Variants in NPAS3 observed in about 807,000 individuals in gnomAD.
The protein encoded by NPAS3 is neuronal PAS domain protein 3.
NPAS3 carries 14 observed loss-of-function variants against 73.1 expected under a neutral mutation model. The observed-to-expected ratio is 0.19, with a 90% CI of 0.13 to 0.30. The LOEUF (loss-of-function observed/expected upper bound fraction) is 0.30, where lower values mean the gene tolerates loss of function less well. NPAS3 is among the 10% of genes least tolerant of loss of function. The pLI, the probability that NPAS3 is intolerant of heterozygous loss-of-function variation, is 1.00. For missense variants in NPAS3, 1,096 were observed against 1,250.0 expected (o/e 0.88, Z 1.86); for synonymous variants, 620 against 541.5 (o/e 1.14, Z -2.01).
chr14:33,571,509 A>G (rs2056214895), intron 5 of NPAS3, among the ~76,000 whole-genome samples: 1 of 152,180 alleles, frequency 6.6e-6, no homozygotes, highest in African/African-American at 2.4e-5. Context: ...TAGCATATCT[A>G]CTGGGGTAAA....
Position 32,983,140 on chromosome 14 carries a change from C to T in NPAS3, c.50+43774C>T, listed in dbSNP as rs142508637. ...CAAAGGTATCAAGGGGTATTTTCACCGCCTTCAACTAGTAATAATAATGAA... is the reference window on the plus strand; with the variant it reads ...CAAAGGTATCAAGGGGTATTTTCACTGCCTTCAACTAGTAATAATAATGAA... On this transcript the variant is annotated intron_variant, in intron 1 of 11. Transcript: ENST00000356141. Among the ~76,000 whole-genome samples the T allele has an allele frequency of 3.9e-5, 6 of 152,096 alleles. No individual in the cohort carries two copies. In the East Asian group the frequency reaches 1.2e-3, roughly 29 times the overall value.
chr14:33,511,710 C>T (rs1335982509), intron 4 of NPAS3, among the ~76,000 whole-genome samples: 1 of 152,040 alleles, frequency 6.6e-6, no homozygotes, highest in Non-Finnish European at 1.5e-5. Context: ...AAATGAAGCT[C>T]CTGAACTTAA....
At chr14:33,494,980 T>C (rs1391836551) in intron 4 of NPAS3, among the ~76,000 whole-genome samples, 1 of 152,140 alleles carries the variant, frequency 6.6e-6, no homozygotes, top group Non-Finnish European at 1.5e-5. Flanking sequence ...CCTCCTTCAG[T>C]TCTGCTCTGA....
chr14:33,580,222 G>C (rs920205090), intron 5 of NPAS3, among the ~76,000 whole-genome samples: 1 of 152,050 alleles, frequency 6.6e-6, no homozygotes, highest in Admixed American at 6.6e-5. Context: ...AGCAACTAAG[G>C]GTCAGAGAAC....
chr14:33,598,510 G>A (rs988700432), intron 5 of NPAS3, among the ~76,000 whole-genome samples: 1 of 152,196 alleles, frequency 6.6e-6, no homozygotes, highest in Non-Finnish European at 1.5e-5. Context: ...CGAGCAGTAG[G>A]CTTTGAAGAA....
chr14:33,122,674 A>T (rs1469470882), intron 2 of NPAS3, among the ~76,000 whole-genome samples: 2 of 152,082 alleles, frequency 1.3e-5, no homozygotes, highest in Non-Finnish European at 2.9e-5. Flanking sequence ...CATGCCAGGA[A>T]GGGGGCTCAA....
At chr14:33,735,298 A>T (rs2061494999) in exon 7 of NPAS3, 1 of 1,613,452 alleles carries the variant, frequency 6.2e-7, no homozygotes, top group Admixed American at 1.7e-5. Flanking sequence ...ACTCTGACCA[A>T]ACGCGGTGTG....
chr14:33,359,502 A>G (rs909938181), intron 3 of NPAS3, among the ~76,000 whole-genome samples: 3 of 152,186 alleles, frequency 2.0e-5, no homozygotes, highest in African/African-American at 7.2e-5. Context: ...GGGTGGAATC[A>G]TGCCATAACT....
At chr14:33,629,244 A>C (rs1050401158) in intron 5 of NPAS3, among the ~76,000 whole-genome samples, 1 of 151,760 alleles carries the variant, frequency 6.6e-6, no homozygotes, top group Non-Finnish European at 1.5e-5. Context: ...CAAAAAAAAA[A>C]AAAAAAGAAA....
At chr14:33,570,518 C>A (rs748089363) in intron 5 of NPAS3, among the ~76,000 whole-genome samples, 10 of 152,128 alleles carry the variant, frequency 6.6e-5, no homozygotes, top group African/African-American at 1.2e-4. Context: ...AATAAAAAAA[C>A]CCATAATTTT....
intron 2 of NPAS3, among the ~76,000 whole-genome samples, chr14:33,061,599 G>A (rs2041101650): frequency 6.6e-6 from 1 of 152,128 alleles, no homozygotes; most frequent in South Asian, 2.1e-4. Context: ...TAATGTGGAT[G>A]GCATGAAAGT....
At chr14:33,025,115 G>A (rs61974880) in intron 1 of NPAS3, among the ~76,000 whole-genome samples, 16,394 of 152,204 alleles carry the variant, frequency 0.11, 923 homozygotes, top group African/African-American at 0.13. Context: ...AGAGGGAGAG[G>A]ACAGAGGAGG....
At chr14:33,208,622 TA>T (rs1043295452) in intron 2 of NPAS3, among the ~76,000 whole-genome samples, 1 of 152,190 alleles carries the variant, frequency 6.6e-6, no homozygotes, top group Non-Finnish European at 1.5e-5. Context: ...GACATTTTTT[TA>T]AGCAATCAAT....
chr14:33,338,133 G>A (rs2044310891), intron 3 of NPAS3, among the ~76,000 whole-genome samples: 2 of 152,024 alleles, frequency 1.3e-5, no homozygotes, highest in Admixed American at 1.3e-4. Flanking sequence ...TCTTCAAAGA[G>A]CAAACTGGAT....
intron 4 of NPAS3, among the ~76,000 whole-genome samples, chr14:33,466,236 G>T (rs2050520437): frequency 6.6e-6 from 1 of 152,100 alleles, no homozygotes; most frequent in African/African-American, 2.4e-5. Flanking sequence ...TAGAAACCAG[G>T]TTCCTTTAGC....
chr14:33,797,020 G>A (rs571148196), intron 10 of NPAS3, among the ~76,000 whole-genome samples: 13 of 152,224 alleles, frequency 8.5e-5, no homozygotes, highest in Admixed American at 3.9e-4. Context: ...CCATCTGAGC[G>A]GCTGAGAAGC....
chr14:33,800,780 A>C lies in NPAS3; in HGVS notation c.2473A>C (p.Thr825Pro). ...CAGCACGGCCGCGCAGAGGGTCTAC[A>C]CCACGGGCACCATCCGCTACGCGCC... The change falls in exon 12 of 12, where the codon ACC becomes CCC. Residue 825 changes from threonine to proline, a missense_variant. By Grantham distance (38) the Thr-to-Pro change is conservative (BLOSUM62 -1). This residue lies in a region of NPAS3 where 698 missense variants were observed against 676.7 expected (regional missense o/e 1.03). Transcript: ENST00000356141. The surrounding 1 kb of genome is among the most constrained non-coding windows in gnomAD (Gnocchi z 6.5). The C allele has an allele frequency of 6.3e-7, 1 of 1,580,722 alleles. No individual in the cohort carries two copies. Among genetic ancestry groups the C allele is most frequent in the African/African-American group, 1.3e-5 (1 of 74,542 alleles).
intron 3 of NPAS3, among the ~76,000 whole-genome samples, chr14:33,366,529 G>A (rs2045854324): frequency 6.6e-6 from 1 of 152,160 alleles, no homozygotes; most frequent in Non-Finnish European, 1.5e-5. Context: ...AACAGTCACT[G>A]ACCTGGTGAG....
At chr14:33,024,122 ATATATGTGTGTGTGTG>A (rs1353828785) in intron 1 of NPAS3, among the ~76,000 whole-genome samples, 12 of 146,236 alleles carry the variant, frequency 8.2e-5, no homozygotes, top group East Asian at 7.9e-4. Flanking sequence ...ATATGTGTAT[ATATATGTGTGTGTGTG>A]TATATGTGTG....
Sources: allele counts gnomAD v4.1 joint callset (sites outside exome capture counted in the v4.1 genomes callset), GRCh38; gene constraint gnomAD v4.1.1; regional missense constraint gnomAD v4.1.1; non-coding constraint Gnocchi (gnomAD v3.1); transcripts MANE v1.5; gene names NCBI Gene and HGNC (gene_info 2026-07-23, HGNC 2026-07-21).